ARB2A: variants seen among roughly 807,000 people sequenced by gnomAD.
ARB2A encodes cotranscriptional regulator ARB2A.
chr5:93,729,602 G>A, the ARB2A span, among the ~76,000 whole-genome samples: 1 of 152,066 alleles, frequency 6.6e-6, no homozygotes, highest in South Asian at 2.1e-4. Context: ...TATGTATACT[G>A]ATATGTGTAT....
the ARB2A span, among the ~76,000 whole-genome samples, chr5:93,986,358 G>A: frequency 1.3e-5 from 2 of 151,408 alleles, no homozygotes; most frequent in African/African-American, 4.9e-5. Context: ...ACCGTGTCTG[G>A]TAGGTGAGGG....
At chr5:93,933,573 G>A in the ARB2A span, among the ~76,000 whole-genome samples, 1 of 152,066 alleles carries the variant, frequency 6.6e-6, no homozygotes, top group African/African-American at 2.4e-5. Context: ...AACACCGCAT[G>A]TTCTCACTCA....
the ARB2A span, among the ~76,000 whole-genome samples, chr5:93,700,552 A>G: frequency 6.6e-6 from 1 of 152,136 alleles, no homozygotes; most frequent in Non-Finnish European, 1.5e-5. Context: ...TAGAATGCCA[A>G]TGCTATTATC....
At chr5:93,734,160 TATG>T in the ARB2A span, 1 of 152,186 alleles carries the variant, frequency 6.6e-6, no homozygotes, top group Non-Finnish European at 1.5e-5. Context: ...AATTGTTCCT[TATG>T]ATAAGATTTT....
At chr5:93,713,019 C>T in the ARB2A span, among the ~76,000 whole-genome samples, 1 of 152,268 alleles carries the variant, frequency 6.6e-6, no homozygotes, top group East Asian at 1.9e-4. Context: ...AAGAATGATA[C>T]TAGACCCCTA....
At chr5:93,950,943 C>CA in the ARB2A span, among the ~76,000 whole-genome samples, 1,266 of 78,982 alleles carry the variant, frequency 0.016, 24 homozygotes, top group East Asian at 0.072. Context: ...GACTCTGTCT[C>CA]AAAAAAAAAA....
chr5:93,741,241 C>G, the ARB2A span: 4 of 1,613,820 alleles, frequency 2.5e-6, no homozygotes, highest in African/African-American at 1.3e-5. Flanking sequence ...CGGAATGCTC[C>G]GCAGGGCAAT....
the ARB2A span, among the ~76,000 whole-genome samples, chr5:94,005,454 C>T: frequency 6.6e-6 from 1 of 152,124 alleles, no homozygotes; most frequent in African/African-American, 2.4e-5. Flanking sequence ...GCAATCCAGC[C>T]ACCTCGGCCT....
chr5:94,101,791 A>C, the ARB2A span, among the ~76,000 whole-genome samples: 4 of 152,154 alleles, frequency 2.6e-5, no homozygotes, highest in South Asian at 8.3e-4. Context: ...GGGTCTACTT[A>C]AGAGAGGGAG....
At chr5:93,799,301 C>A in the ARB2A span, among the ~76,000 whole-genome samples, 6 of 152,062 alleles carry the variant, frequency 3.9e-5, no homozygotes, top group Admixed American at 6.6e-5. Context: ...CTGTAAGTAT[C>A]AAAATATATC....
chr5:93,699,222 C>T, the ARB2A span, among the ~76,000 whole-genome samples: 1 of 152,112 alleles, frequency 6.6e-6, no homozygotes, highest in Admixed American at 6.6e-5. Flanking sequence ...GTGCTTTTAA[C>T]CACTATCTTA....
the ARB2A span, among the ~76,000 whole-genome samples, chr5:93,726,704 G>A: frequency 5.3e-5 from 8 of 152,006 alleles, no homozygotes; most frequent in East Asian, 9.7e-4. Context: ...TTGGGGTTAC[G>A]TAACTTAAAA....
At chr5:93,830,309 GTGTATATATA>G in the ARB2A span, among the ~76,000 whole-genome samples, 27 of 49,658 alleles carry the variant, frequency 5.4e-4, 1 homozygote, top group African/African-American at 2.5e-3. Flanking sequence ...ATGTGTGTGT[GTGTATATATA>G]TATATATATA....
At chr5:93,892,460 C>T in the ARB2A span, among the ~76,000 whole-genome samples, 1 of 152,144 alleles carries the variant, frequency 6.6e-6, no homozygotes, top group Non-Finnish European at 1.5e-5. Flanking sequence ...TTGCAAACAA[C>T]ACTTTAATAC....
the ARB2A span, among the ~76,000 whole-genome samples, chr5:93,957,280 CA>C: frequency 6.6e-6 from 1 of 152,116 alleles, no homozygotes; most frequent in African/African-American, 2.4e-5. Flanking sequence ...GCAGGGACAA[CA>C]TAACTACATA....
chr5:93,653,431 G>A, the ARB2A span, among the ~76,000 whole-genome samples: 5 of 141,558 alleles, frequency 3.5e-5, no homozygotes, highest in Admixed American at 3.7e-4. Context: ...AGAATGGCAT[G>A]AACCCGGGAG....
At chr5:93,758,712 A>C in the ARB2A span, among the ~76,000 whole-genome samples, 2 of 152,186 alleles carry the variant, frequency 1.3e-5, no homozygotes, top group Non-Finnish European at 2.9e-5. Context: ...ATAATGACAC[A>C]ACTTAACCAA....
the ARB2A span, among the ~76,000 whole-genome samples, chr5:93,711,115 G>T: frequency 6.6e-6 from 1 of 151,814 alleles, no homozygotes; most frequent in African/African-American, 2.4e-5. Context: ...ACAAATTTTA[G>T]GATCTGACCT....
the ARB2A span, among the ~76,000 whole-genome samples, chr5:93,771,186 G>C: frequency 1.3e-5 from 2 of 151,196 alleles, no homozygotes; most frequent in Non-Finnish European, 3.0e-5. Context: ...ACAAACCTGA[G>C]AAAAACAAGC....
Sources: allele counts gnomAD v4.1 joint callset (sites outside exome capture counted in the v4.1 genomes callset), GRCh38; gene constraint gnomAD v4.1.1; transcripts MANE v1.5; gene names NCBI Gene and HGNC (gene_info 2026-07-23, HGNC 2026-07-21).